The following NEK7 variants were observed in gnomAD, a reference collection of about 807,000 sequenced individuals.
NEK7 encodes serine/threonine-protein kinase Nek7.
NEK7 carries 18 observed loss-of-function variants against 44.6 expected under a neutral mutation model. That is an observed-to-expected ratio of 0.40 (90% confidence interval 0.28 to 0.60). The LOEUF is 0.60. Ranked by LOEUF, NEK7 falls within the 20% of genes least tolerant of loss-of-function variation. The pLI is 0.38. For synonymous variants in NEK7, 130 were observed against 121.1 expected (o/e 1.07, Z -0.48); for missense variants, 256 against 366.5 (o/e 0.70, Z 2.46).
intron 2 of NEK7, among the ~76,000 whole-genome samples, chr1:198,241,873 G>A (rs577875776): frequency 2.0e-5 from 3 of 152,256 alleles, no homozygotes; most frequent in East Asian, 1.9e-4. Context: ...TGATGATGAT[G>A]ACTGCAATGA....
intron 9 of NEK7, among the ~76,000 whole-genome samples, chr1:198,318,913 T>G (rs1408580213): frequency 6.6e-6 from 1 of 151,896 alleles, no homozygotes; most frequent in Non-Finnish European, 1.5e-5. Context: ...TAAAGGAGTG[T>G]TTTTTTCTCT....
intron 1 of NEK7, among the ~76,000 whole-genome samples, chr1:198,209,284 AAC>A (rs1349487335): frequency 6.6e-6 from 1 of 152,030 alleles, no homozygotes; most frequent in East Asian, 1.9e-4. Context: ...TTTTCTTAAA[AAC>A]AGTGTTAAGA....
intron 2 of NEK7, among the ~76,000 whole-genome samples, chr1:198,250,356 G>A (rs578103123): frequency 1.5e-4 from 23 of 152,018 alleles, no homozygotes; most frequent in South Asian, 6.2e-4. Context: ...TTGACTTGGC[G>A]ATGCGGGCTC....
At chr1:198,182,875 G>A (rs1664809020) in intron 1 of NEK7, among the ~76,000 whole-genome samples, 2 of 152,118 alleles carry the variant, frequency 1.3e-5, no homozygotes, top group South Asian at 4.1e-4. Flanking sequence ...CCGATTGATA[G>A]TAGTCATTAA....
intron 1 of NEK7, among the ~76,000 whole-genome samples, chr1:198,169,901 C>T (rs948880246): frequency 6.6e-6 from 1 of 152,178 alleles, no homozygotes; most frequent in African/African-American, 2.4e-5. Context: ...GGGCCTAGGA[C>T]CATTCTTGTC....
At chr1:198,315,120 G>A (rs1419780141) in intron 9 of NEK7, among the ~76,000 whole-genome samples, 3 of 152,194 alleles carry the variant, frequency 2.0e-5, no homozygotes, top group Non-Finnish European at 2.9e-5. Context: ...AGCCAGATGC[G>A]GGATATAGTC....
At chr1:198,316,996 A>G (rs962143929) in intron 9 of NEK7, among the ~76,000 whole-genome samples, 1 of 152,214 alleles carries the variant, frequency 6.6e-6, no homozygotes, top group Non-Finnish European at 1.5e-5. Context: ...GCTGGAGTGG[A>G]TAAGTGGGAG....
chr1:198,257,780 C>A (rs978490474), intron 3 of NEK7, among the ~76,000 whole-genome samples: 2 of 151,998 alleles, frequency 1.3e-5, no homozygotes, highest in Admixed American at 6.6e-5. Context: ...CTTGTACTTG[C>A]AATCTTAAGC....
At chr1:198,229,910 C>T (rs993022237) in intron 1 of NEK7, among the ~76,000 whole-genome samples, 5 of 152,014 alleles carry the variant, frequency 3.3e-5, no homozygotes, top group Non-Finnish European at 5.9e-5. Flanking sequence ...GACATTGTCA[C>T]GTATCAGTAG....
At chr1:198,313,844 C>T (rs148142396) in intron 9 of NEK7, among the ~76,000 whole-genome samples, 12,351 of 151,672 alleles carry the variant, frequency 0.081, 656 homozygotes, top group East Asian at 0.17. Flanking sequence ...GAGGGTAACT[C>T]GACCTTTCTC....
intron 1 of NEK7, among the ~76,000 whole-genome samples, chr1:198,211,347 A>G (rs1665763507): frequency 1.3e-5 from 2 of 152,194 alleles, no homozygotes. Flanking sequence ...TACTACAGTT[A>G]TCATTGTTAC....
At chr1:198,309,983 G>C (rs988761043) in intron 9 of NEK7, among the ~76,000 whole-genome samples, 1 of 151,662 alleles carries the variant, frequency 6.6e-6, no homozygotes, top group Non-Finnish European at 1.5e-5. Context: ...TGGGTCAAAT[G>C]GTATTTCTAG....
chr1:198,261,985 A>G (rs537654333), intron 3 of NEK7, among the ~76,000 whole-genome samples: 2 of 151,910 alleles, frequency 1.3e-5, no homozygotes, highest in African/African-American at 4.8e-5. Context: ...CTTCTCCACA[A>G]AGAACCAATT....
chr1:198,310,820 A>G (rs1370175976), intron 9 of NEK7, among the ~76,000 whole-genome samples: 1 of 152,048 alleles, frequency 6.6e-6, no homozygotes, highest in African/African-American at 2.4e-5. Flanking sequence ...GACCACTACC[A>G]TGCTGTTTTG....
intron 1 of NEK7, among the ~76,000 whole-genome samples, chr1:198,171,243 G>A (rs8179392): frequency 0.47 from 72,059 of 151,840 alleles, 18,500 homozygotes; most frequent in East Asian, 0.9. Context: ...TTTCCCTTCA[G>A]ATTTAAAATT....
At chr1:198,287,919 C>A (rs1004366822) in intron 7 of NEK7, among the ~76,000 whole-genome samples, 7 of 152,102 alleles carry the variant, frequency 4.6e-5, no homozygotes, top group African/African-American at 1.7e-4. Context: ...AATGCATGGC[C>A]ATCATTCAAG....
chr1:198,284,180 G>A (rs769923403), intron 7 of NEK7, among the ~76,000 whole-genome samples: 2 of 152,118 alleles, frequency 1.3e-5, no homozygotes, highest in Non-Finnish European at 2.9e-5. Flanking sequence ...TTGAGAAAAC[G>A]AAGCAGAGAA....
intron 1 of NEK7, among the ~76,000 whole-genome samples, chr1:198,212,555 C>A (rs904290806): frequency 6.6e-6 from 1 of 152,228 alleles, no homozygotes; most frequent in Non-Finnish European, 1.5e-5. Context: ...GCCCTCTGAT[C>A]CCCACTGGGG....
At chr1:198,280,070 T>G (rs967919712) in intron 7 of NEK7, among the ~76,000 whole-genome samples, 2 of 152,062 alleles carry the variant, frequency 1.3e-5, no homozygotes, top group African/African-American at 4.8e-5. Context: ...TAACATAGTT[T>G]TTTTCTCCTT....
Sources: gnomAD v4.1 joint callset for allele counts (sites outside exome capture counted in the v4.1 genomes callset) on GRCh38, gnomAD v4.1.1 for gene constraint, MANE v1.5 for transcripts, NCBI Gene and HGNC (gene_info 2026-07-23, HGNC 2026-07-21) for gene names.